Variants in FBXL13 observed in about 807,000 individuals in gnomAD.
The protein encoded by FBXL13 is F-box and leucine rich repeat protein 13, also known as F-box and leucine-rich repeat protein 13.
A neutral mutation model predicts 83.6 loss-of-function variants in FBXL13; 67 were observed. That is an observed-to-expected ratio of 0.80 (90% CI 0.66 to 0.98). The LOEUF (loss-of-function observed/expected upper bound fraction) is 0.98, where lower values mean the gene tolerates loss of function less well. Ranked by LOEUF, FBXL13 falls within the 50% of genes least tolerant of loss-of-function variation. FBXL13 has a pLI of 0.00. For synonymous variants in FBXL13, 272 were observed against 299.5 expected (o/e 0.91, Z 0.95); for missense variants, 822 against 866.5 (o/e 0.95, Z 0.64).
chr7:102,999,114 G>GTT (rs577409903), intron 6 of FBXL13, among the ~76,000 whole-genome samples: 1,642 of 147,298 alleles, frequency 0.011, 33 homozygotes, highest in African/African-American at 0.039. Context: ...ATTGTTGAGG[G>GTT]TTTTTTTTTT....
At chr7:102,855,648 C>G (rs1563000409) in intron 16 of FBXL13, among the ~76,000 whole-genome samples, 1 of 151,792 alleles carries the variant, frequency 6.6e-6, no homozygotes, top group African/African-American at 2.4e-5. Context: ...CCACCACCCC[C>G]CAACCCACCC....
At position 102,834,032 on chromosome 7, in the gene FBXL13, TGAAGGAAG is replaced by T. The variant is rs199540401; in HGVS notation, c.1720-1066_1720-1059del. ...TAGGAGTAGAAATTGGAAACCATGA[TGAAGGAAG>T]GAAGGAAGGAAGGAAGGAAGGAAGG... is the stretch of plus-strand genomic sequence containing the variant. On this transcript the variant is annotated intron_variant, in intron 17 of 19. Coordinates refer to ENST00000313221, the Ensembl canonical transcript of FBXL13. 4.8e-3 allele frequency among the ~76,000 whole-genome samples: 364 copies of T among 75,460 alleles called. 2 individuals carry two copies. Among genetic ancestry groups the T allele is most frequent in the Non-Finnish European group, 4.9e-3 (201 of 41,296 alleles). 49.5% of individuals were successfully genotyped at this position (75,460 alleles called of 152,430 possible).
At chr7:103,037,291 T>C (rs1795165731) in intron 2 of FBXL13, among the ~76,000 whole-genome samples, 2 of 152,196 alleles carry the variant, frequency 1.3e-5, no homozygotes, top group Non-Finnish European at 2.9e-5. Flanking sequence ...ACCAACTGAT[T>C]ATCAACCAAC....
chr7:102,921,975 G>C (rs996504634), intron 10 of FBXL13, among the ~76,000 whole-genome samples: 8 of 152,122 alleles, frequency 5.3e-5, no homozygotes, highest in African/African-American at 1.9e-4. Context: ...TGGATCACTT[G>C]AGGTCAAGAG....
At chr7:102,993,683 T>G (rs1230187233) in intron 6 of FBXL13, among the ~76,000 whole-genome samples, 2 of 152,206 alleles carry the variant, frequency 1.3e-5, no homozygotes. Context: ...GCCAACAGTT[T>G]GACTGATAGT....
Position 102,818,314 on chromosome 7 carries a change from G to T in FBXL13, c.2018+3726C>A, listed in dbSNP as rs115823519. 1.9e-3 allele frequency among the ~76,000 whole-genome samples: 295 copies of T among 152,294 alleles called. 2 individuals carry two copies. Among genetic ancestry groups the T allele is most frequent in the African/African-American group, 6.7e-3 (280 of 41,570 alleles). On this transcript the variant is annotated intron_variant, in intron 19 of 19. Coordinates refer to ENST00000313221, the Ensembl canonical transcript of FBXL13. ...GCAGCACAGTATGATTAAGACCTAGGTACAAAGTATGGCTCTCCTTATTTG... is the reference window on the plus strand; with the variant it reads ...GCAGCACAGTATGATTAAGACCTAGTTACAAAGTATGGCTCTCCTTATTTG...
At chr7:102,944,839 G>A in intron 8 of FBXL13, 1 of 425,240 alleles carries the variant, frequency 2.4e-6, no homozygotes, top group Non-Finnish European at 4.1e-6. Context: ...ATTCCACACT[G>A]GTAACCTGCA....
At chr7:102,892,891 A>C (rs1028008759) in intron 11 of FBXL13, among the ~76,000 whole-genome samples, 14 of 152,188 alleles carry the variant, frequency 9.2e-5, no homozygotes, top group Non-Finnish European at 1.9e-4. Flanking sequence ...TGGTAGCTTA[A>C]AATAGGCCAT....
chr7:102,813,649 A>G (rs886952720), intron 19 of FBXL13, 118 bp from the exon 21 acceptor site: 15 of 1,016,346 alleles, frequency 1.5e-5, no homozygotes, highest in Middle Eastern at 2.7e-4. Flanking sequence ...TTCACATGAG[A>G]CCTCTCTTGC....
At chr7:102,887,414 T>TACAC (rs67686614) in intron 11 of FBXL13, among the ~76,000 whole-genome samples, 5,354 of 148,672 alleles carry the variant, frequency 0.036, 237 homozygotes, top group East Asian at 0.16. Flanking sequence ...TATACATACA[T>TACAC]ACACACACAC....
At chr7:102,907,784 A>T (rs1813991280) in intron 11 of FBXL13, among the ~76,000 whole-genome samples, 1 of 152,192 alleles carries the variant, frequency 6.6e-6, no homozygotes, top group South Asian at 2.1e-4. Context: ...TAAACAAGAC[A>T]TTTATGCAGC....
At chr7:102,821,644 C>T (rs1391438389) in intron 19 of FBXL13, among the ~76,000 whole-genome samples, 3 of 152,176 alleles carry the variant, frequency 2.0e-5, no homozygotes, top group Admixed American at 2.0e-4. Flanking sequence ...TTTATCAGGT[C>T]AGTTAAAATA....
At chr7:102,858,586 G>A (rs1806369783) in intron 16 of FBXL13, among the ~76,000 whole-genome samples, 1 of 152,036 alleles carries the variant, frequency 6.6e-6, no homozygotes, top group Non-Finnish European at 1.5e-5. Flanking sequence ...AGAAAAAAGT[G>A]GAAACCCAAA....
intron 8 of FBXL13, among the ~76,000 whole-genome samples, chr7:102,942,615 A>C (rs1411884836): frequency 1.3e-5 from 2 of 152,214 alleles, no homozygotes; most frequent in Non-Finnish European, 2.9e-5. Flanking sequence ...TAAATCTGTG[A>C]GATCACTGAC....
exon 18 of FBXL13, chr7:102,832,885 A>G: frequency 6.2e-7 from 1 of 1,614,194 alleles, no homozygotes; most frequent in Non-Finnish European, 8.5e-7. Flanking sequence ...TAATGCAGTA[A>G]ATGGCCAGTG....
At chr7:102,843,512 C>T (rs1285768360) in intron 17 of FBXL13, among the ~76,000 whole-genome samples, 2 of 152,070 alleles carry the variant, frequency 1.3e-5, no homozygotes, top group African/African-American at 2.4e-5. Flanking sequence ...CGGTGGCTCA[C>T]GTCTGTAATC....
chr7:102,999,646 C>G (rs1295872148), intron 6 of FBXL13, among the ~76,000 whole-genome samples: 2 of 151,988 alleles, frequency 1.3e-5, no homozygotes, highest in Admixed American at 6.6e-5. Context: ...TCTTGATAGG[C>G]TTCATGTATC....
chr7:102,973,625 C>T (rs895102757), intron 6 of FBXL13: 4 of 766,044 alleles, frequency 5.2e-6, no homozygotes, highest in East Asian at 2.4e-5. Context: ...CATCTGGTGC[C>T]GAAACCCGGG....
intron 11 of FBXL13, among the ~76,000 whole-genome samples, chr7:102,891,188 C>T (rs1811495037): frequency 1.3e-5 from 2 of 152,172 alleles, no homozygotes; most frequent in Non-Finnish European, 2.9e-5. Context: ...TGGTAATTGT[C>T]TTTCTCGAGG....
Sources: gnomAD v4.1 joint callset for allele counts (sites outside exome capture counted in the v4.1 genomes callset) on GRCh38, gnomAD v4.1.1 for gene constraint, MANE v1.5 for transcripts, NCBI Gene and HGNC (gene_info 2026-07-23, HGNC 2026-07-21) for gene names.